The following NFATC3 variants were observed in gnomAD, a reference collection of about 807,000 sequenced individuals.
NFATC3 encodes nuclear factor of activated T-cells, cytoplasmic 3.
A neutral mutation model predicts 98.6 loss-of-function variants in NFATC3; 46 were observed. The observed-to-expected ratio is 0.47, with a 90% confidence interval of 0.37 to 0.60. NFATC3 has a LOEUF of 0.60. Among genes scored for constraint, NFATC3 ranks in the 20% least tolerant of loss-of-function variants. The pLI is 0.00. For missense variants in NFATC3, 1,256 were observed against 1,295.5 expected, an observed-to-expected ratio of 0.97 and a Z score of 0.47; for synonymous variants, 512 against 472.2, an observed-to-expected ratio of 1.08 and a Z score of -1.09.
At chr16:68,221,005 C>A (rs890232488) in intron 9 of NFATC3, among the ~76,000 whole-genome samples, 2 of 152,178 alleles carry the variant, frequency 1.3e-5, no homozygotes, top group African/African-American at 4.8e-5. Flanking sequence ...CCTTGGCTTC[C>A]CCTAGTGTTG....
intron 3 of NFATC3, among the ~76,000 whole-genome samples, chr16:68,131,010 C>T (rs796608544): frequency 3.9e-5 from 6 of 152,178 alleles, no homozygotes; most frequent in African/African-American, 1.4e-4. Flanking sequence ...GTCTGTGTGT[C>T]TGTTTTTATA....
chr16:68,202,399 C>T (rs891277815), intron 9 of NFATC3, among the ~76,000 whole-genome samples: 2 of 152,154 alleles, frequency 1.3e-5, no homozygotes, highest in African/African-American at 2.4e-5. Context: ...ACACAACATT[C>T]AGGTGGTTAC....
intron 1 of NFATC3, among the ~76,000 whole-genome samples, chr16:68,115,138 A>G (rs370020666): frequency 3.3e-5 from 5 of 151,562 alleles, no homozygotes; most frequent in Admixed American, 1.3e-4. Flanking sequence ...ATCTCAGCTC[A>G]CTGCAACCTC....
intron 6 of NFATC3, among the ~76,000 whole-genome samples, chr16:68,176,076 C>G (rs1054472020): frequency 2.7e-5 from 4 of 149,762 alleles, no homozygotes; most frequent in African/African-American, 9.8e-5. Flanking sequence ...CCTCCGTGTT[C>G]AAGCAATTCT....
Position 68,226,724 on chromosome 16 carries a change from G to A in NFATC3, c.*253G>A, listed in dbSNP as rs2042043940. On this transcript the variant is annotated 3_prime_UTR_variant, in exon 10 of 10. Transcript: ENST00000346183. Reference sequence around the variant, plus strand: ...TAACTAGGATACTTTTATATGATGGGTGCTTTGAGTGTGAATGCAGCAGGC... The same window carrying A: ...TAACTAGGATACTTTTATATGATGGATGCTTTGAGTGTGAATGCAGCAGGC... 2 of 290,942 alleles carry A rather than the reference G, an allele frequency of 6.9e-6. No homozygotes were observed. The highest frequency in any genetic ancestry group is 1.1e-4 in the Admixed American group (2 of 18,884). The allele number at this position is 290,942 out of a possible 1,614,324, so 18.0% of individuals were successfully genotyped here. A position where few individuals can be genotyped will look rare whatever the true frequency, so the allele number is the denominator to read the frequency against.
In NFATC3 at chr16:68,228,599, C is replaced by A. The variant is rs1009918497; in HGVS notation, c.*2128C>A. The A allele has an allele frequency of 2.0e-5, 3 of 152,596 alleles. No homozygotes were observed. The highest frequency in any genetic ancestry group is 7.2e-5 in the African/African-American group (3 of 41,424). The allele number at this position is 152,596 out of a possible 1,614,324, so 9.5% of individuals were successfully genotyped here. On this transcript the variant is annotated 3_prime_UTR_variant, in exon 10 of 10. Transcript: ENST00000346183. The stretch of plus-strand genomic sequence containing the variant: ...AAATTTTAAAATAGAGCTTTGTATA[C>A]TATGTAAGCAGTTTTATATCAGCTT...
chr16:68,141,386 G>A (rs7195398), intron 3 of NFATC3, among the ~76,000 whole-genome samples: 5,706 of 152,264 alleles, frequency 0.037, 119 homozygotes, highest in Middle Eastern at 0.15. Flanking sequence ...TCTCCATACT[G>A]TTTTCCATAA....
At chr16:68,144,218 T>C (rs1197700995) in intron 3 of NFATC3, among the ~76,000 whole-genome samples, 1 of 152,078 alleles carries the variant, frequency 6.6e-6, no homozygotes, top group Non-Finnish European at 1.5e-5. Context: ...GAAATGCAAA[T>C]TAAAACCACA....
intron 6 of NFATC3, 44 bp downstream of exon 6, chr16:68,174,558 G>T: frequency 7.1e-7 from 1 of 1,406,662 alleles, no homozygotes; most frequent in South Asian, 1.8e-5. Context: ...AAGGGGCAAA[G>T]GGTAAAATAA....
chr16:68,166,839 T>C lies in NFATC3; in HGVS notation c.1602-4T>C. On this transcript the variant is annotated splice_region_variant and splice_polypyrimidine_tract_variant and intron_variant, in intron 4 of 9. Coordinates refer to ENST00000346183, the MANE Select transcript of NFATC3 (RefSeq NM_173165.3). ...AAATTAAATTTTTGTATTTTTCTCT[T>C]TAGTATTGATTGTGCAGGTATTTTG... 1 of 1,606,944 alleles carries C rather than the reference T, an allele frequency of 6.2e-7. No individual in the cohort carries two copies. The highest frequency in any genetic ancestry group is 8.5e-7 in the Non-Finnish European group (1 of 1,175,486).
At chr16:68,103,624 G>T (rs1050963340) in intron 1 of NFATC3, among the ~76,000 whole-genome samples, 4 of 152,326 alleles carry the variant, frequency 2.6e-5, no homozygotes, top group Admixed American at 2.0e-4. Context: ...CGCCAAATCT[G>T]AAGTCTTGAC....
Position 68,191,340 on chromosome 16 carries a change from C to G in NFATC3, c.2671C>G (p.Gln891Glu). 7.4e-6 allele frequency: 12 copies of G among 1,614,184 alleles called. No homozygotes were observed. Among genetic ancestry groups the G allele is most frequent in the Non-Finnish European group, 1.0e-5 (12 of 1,180,030 alleles). The change falls in exon 9 of 10, where the codon CAA becomes GAA. Residue 891 changes from glutamine (Q) to glutamate (E), a missense_variant. By Grantham distance (29) the Gln-to-Glu change is conservative. Around this residue, in one of 3 missense-constraint regions of NFATC3, gnomAD observed 636 missense variants for 617.3 expected, o/e 1.03. Coordinates refer to ENST00000346183, the MANE Select transcript of NFATC3 (RefSeq NM_173165.3). ...SMGYHCSNTG[Q>E]RSLSSPVADQ... Reference sequence around the variant, plus strand: ...GGGATATCATTGTTCAAATACAGGACAAAGATCTCTTTCTTCTCCAGTGGC... The same window carrying G: ...GGGATATCATTGTTCAAATACAGGAGAAAGATCTCTTTCTTCTCCAGTGGC...
At chr16:68,092,707 A>G (rs1445850952) in intron 1 of NFATC3, among the ~76,000 whole-genome samples, 3 of 151,092 alleles carry the variant, frequency 2.0e-5, no homozygotes, top group African/African-American at 4.9e-5. Context: ...TCTGGATAAC[A>G]TAAGGATACC....
chr16:68,223,432 T>C (rs1232019393), intron 9 of NFATC3, among the ~76,000 whole-genome samples: 1 of 152,204 alleles, frequency 6.6e-6, no homozygotes, highest in Admixed American at 6.5e-5. Flanking sequence ...GGTGCAGAAG[T>C]AATCACGGTT....
At chr16:68,188,151 G>A (rs1032404209) in intron 8 of NFATC3, among the ~76,000 whole-genome samples, 10 of 152,132 alleles carry the variant, frequency 6.6e-5, no homozygotes, top group South Asian at 2.1e-4. Flanking sequence ...CCTCAACCTC[G>A]CTCCAAGATT....
intron 9 of NFATC3, among the ~76,000 whole-genome samples, chr16:68,211,510 TTTG>T (rs200230482): frequency 2.4e-4 from 35 of 145,046 alleles, no homozygotes; most frequent in South Asian, 1.8e-3. Flanking sequence ...GTAAATGTTT[TTTG>T]TTGTTGTTGT....
intron 9 of NFATC3, among the ~76,000 whole-genome samples, chr16:68,224,126 TAAAA>T (rs1174161190): frequency 5.5e-5 from 4 of 72,486 alleles, no homozygotes; most frequent in Non-Finnish European, 7.7e-5. Flanking sequence ...TGCACCAGTT[TAAAA>T]AAAAAAAAAA....
chr16:68,184,076 C>T lies in NFATC3; in HGVS notation c.2098+710C>T, dbSNP rs74024158. Among the ~76,000 whole-genome samples the T allele has an allele frequency of 5.0e-3, 739 of 149,034 alleles. 7 individuals carry two copies. The highest frequency in any genetic ancestry group is 0.017 in the African/African-American group (700 of 40,694). On this transcript the variant is annotated intron_variant, in intron 8 of 9. Transcript: ENST00000346183. ...CATGATCAGACTTGTGTTTCAAAAT[C>T]ATTTTCCTCATATTTCTTTTCTTTA...
chr16:68,140,669 A>C (rs1017042048), intron 3 of NFATC3, among the ~76,000 whole-genome samples: 1 of 151,922 alleles, frequency 6.6e-6, no homozygotes, highest in African/African-American at 2.4e-5. Context: ...TAAATTGGAG[A>C]TATTTTACCC....
Sources: gnomAD v4.1 joint callset for allele counts (sites outside exome capture counted in the v4.1 genomes callset) on GRCh38, gnomAD v4.1.1 for gene constraint, gnomAD v4.1.1 regional missense constraint, MANE v1.5 for transcripts, NCBI Gene and HGNC (gene_info 2026-07-23, HGNC 2026-07-21) for gene names.